DLG2: variants seen among roughly 807,000 people sequenced by gnomAD.
The protein encoded by DLG2 is disks large homolog 2.
Under a neutral mutation model 132.5 loss-of-function variants are expected in DLG2, and 45 were observed. The observed-to-expected ratio is 0.34, with a 90% CI of 0.27 to 0.44. DLG2 has a LOEUF of 0.44. Ranked by LOEUF, DLG2 falls within the 20% of genes least tolerant of loss-of-function variation. DLG2 has a pLI of 1.00. For missense variants in DLG2, 1,045 were observed against 1,196.9 expected (o/e 0.87, Z 1.87); for synonymous variants, 424 against 419.6 (o/e 1.01, Z -0.13).
chr11:84,738,048 C>T (rs1286407032), intron 6 of DLG2, among the ~76,000 whole-genome samples: 1 of 151,910 alleles, frequency 6.6e-6, no homozygotes, highest in African/African-American at 2.4e-5. Context: ...GGATACATTC[C>T]TCTAGAGCGC....
chr11:83,699,344 T>G (rs2082456994), intron 18 of DLG2, among the ~76,000 whole-genome samples: 1 of 152,126 alleles, frequency 6.6e-6, no homozygotes, highest in South Asian at 2.1e-4. Context: ...TAAGAAAGAA[T>G]GGAGAAGCTT....
chr11:84,940,309 C>G (rs1214522308), intron 6 of DLG2, among the ~76,000 whole-genome samples: 1 of 152,174 alleles, frequency 6.6e-6, no homozygotes. Context: ...TGCCACCACA[C>G]CTGGCTAATC....
rs146588851 is a variant in DLG2 at position 84,717,843 on chromosome 11, T to A, written c.358-183112A>T. 3.8e-3 allele frequency among the ~76,000 whole-genome samples: 576 copies of A among 152,172 alleles called. 4 individuals are homozygous for A. Among genetic ancestry groups the A allele is most frequent in the African/African-American group, 0.014 (561 of 41,546 alleles). On this transcript the variant is annotated intron_variant, in intron 6 of 27. Coordinates refer to ENST00000376104, the MANE Select transcript of DLG2 (RefSeq NM_001142699.3). The stretch of plus-strand genomic sequence containing the variant: ...AAGTACTGCATGCATCTCATTTAAC[T>A]GTTATTTCTCACAATGACATAGTAA...
chr11:83,466,652 GTATAA>G, intron 26 of DLG2, 51 bp downstream of exon 26: 1 of 971,362 alleles, frequency 1.0e-6, no homozygotes, highest in Admixed American at 1.8e-5. Flanking sequence ...GTAATTTTCA[GTATAA>G]TACAGAACAG....
intron 6 of DLG2, among the ~76,000 whole-genome samples, chr11:84,675,666 T>G (rs572431578): frequency 6.6e-6 from 1 of 152,180 alleles, no homozygotes; most frequent in South Asian, 2.1e-4. Context: ...ACACCCTAGT[T>G]GAAATTCACT....
chr11:84,301,037 T>C (rs143935932), intron 7 of DLG2, among the ~76,000 whole-genome samples: 90 of 152,336 alleles, frequency 5.9e-4, no homozygotes, highest in African/African-American at 2.0e-3. Context: ...TGAATGACTA[T>C]GTAAATATTA....
intron 6 of DLG2, among the ~76,000 whole-genome samples, chr11:84,551,703 T>G (rs2099402189): frequency 6.6e-6 from 1 of 152,208 alleles, no homozygotes; most frequent in Non-Finnish European, 1.5e-5. Flanking sequence ...CACACTATAT[T>G]GTCTCTCAAG....
chr11:85,578,543 GA>G (rs1160374886), intron 3 of DLG2, among the ~76,000 whole-genome samples: 1 of 151,254 alleles, frequency 6.6e-6, no homozygotes, highest in African/African-American at 2.4e-5. Flanking sequence ...ACAAATTCAA[GA>G]AAAAAATACA....
chr11:84,025,762 T>A (rs1223637533), intron 11 of DLG2, among the ~76,000 whole-genome samples: 3 of 152,144 alleles, frequency 2.0e-5, no homozygotes, highest in Non-Finnish European at 4.4e-5. Flanking sequence ...GTTGATTTTT[T>A]ACCATATACC....
intron 10 of DLG2, among the ~76,000 whole-genome samples, chr11:84,095,499 C>T (rs887160878): frequency 5.9e-5 from 9 of 152,178 alleles, no homozygotes; most frequent in South Asian, 2.1e-4. Flanking sequence ...TGAGATAAAA[C>T]ATACTCCTCA....
At chr11:84,661,654 C>A (rs1418505327) in intron 6 of DLG2, among the ~76,000 whole-genome samples, 1 of 152,104 alleles carries the variant, frequency 6.6e-6, no homozygotes, top group Admixed American at 6.6e-5. Context: ...TGATCTGTCT[C>A]TTTGAGTTCC....
At chr11:85,362,241 T>G (rs76760622) in intron 3 of DLG2, among the ~76,000 whole-genome samples, 5,196 of 152,304 alleles carry the variant, frequency 0.034, 140 homozygotes, top group Admixed American at 0.049. Flanking sequence ...ACGCATAAGC[T>G]ATCATGCCCA....
chr11:83,576,669 C>T (rs1245601478), intron 19 of DLG2, among the ~76,000 whole-genome samples: 1 of 152,150 alleles, frequency 6.6e-6, no homozygotes, highest in Admixed American at 6.6e-5. Flanking sequence ...ACTTAAAATT[C>T]TATATCCAGA....
At chr11:85,397,490 G>C (rs191275741) in intron 3 of DLG2, among the ~76,000 whole-genome samples, 9 of 152,246 alleles carry the variant, frequency 5.9e-5, no homozygotes, top group Admixed American at 5.9e-4. Flanking sequence ...TGGCAAATTG[G>C]ATAAAGAATC....
At chr11:84,923,386 G>A in intron 6 of DLG2, 1 of 1,042,660 alleles carries the variant, frequency 9.6e-7, no homozygotes, top group Non-Finnish European at 1.2e-6. Context: ...TAAGACCTCA[G>A]TTGCTTTTCC....
intron 4 of DLG2, among the ~76,000 whole-genome samples, chr11:85,200,044 T>G (rs1421500086): frequency 6.6e-6 from 1 of 151,964 alleles, no homozygotes; most frequent in Admixed American, 6.6e-5. Context: ...ACAAGAATTC[T>G]GTACTCACCC....
intron 6 of DLG2, among the ~76,000 whole-genome samples, chr11:84,726,871 T>C (rs1354266575): frequency 6.6e-6 from 1 of 152,232 alleles, no homozygotes; most frequent in Non-Finnish European, 1.5e-5. Flanking sequence ...TGAGCATTTT[T>C]CATATGTCTG....
intron 6 of DLG2, among the ~76,000 whole-genome samples, chr11:84,824,506 C>T (rs1294486514): frequency 1.3e-5 from 2 of 151,900 alleles, no homozygotes; most frequent in African/African-American, 4.8e-5. Context: ...GTGTTGTATG[C>T]TCTATTCTTG....
At chr11:84,188,584 C>A (rs1316967430) in intron 8 of DLG2, among the ~76,000 whole-genome samples, 1 of 152,018 alleles carries the variant, frequency 6.6e-6, no homozygotes, top group African/African-American at 2.4e-5. Context: ...CCCAAGATTG[C>A]AAGAAAATTT....
Sources: allele counts gnomAD v4.1 joint callset (sites outside exome capture counted in the v4.1 genomes callset), GRCh38; gene constraint gnomAD v4.1.1; transcripts MANE v1.5; gene names NCBI Gene and HGNC (gene_info 2026-07-23, HGNC 2026-07-21).